PPP2R3A: variants seen among roughly 807,000 people sequenced by gnomAD.
PPP2R3A encodes the protein serine/threonine-protein phosphatase 2A regulatory subunit B'' subunit alpha.
A neutral mutation model predicts 106.9 loss-of-function variants in PPP2R3A; 80 were observed. The observed-to-expected ratio is 0.75, with a 90% CI of 0.62 to 0.90. The LOEUF is 0.90. PPP2R3A is among the 40% of genes least tolerant of loss of function. The pLI, the probability that PPP2R3A is intolerant of heterozygous loss-of-function variation, is 0.00. For synonymous variants in PPP2R3A, 483 were observed against 468.3 expected (o/e 1.03, Z -0.41); for missense variants, 1,386 against 1,350.4 (o/e 1.03, Z -0.41).
At chr3:136,090,533 CT>C in intron 9 of PPP2R3A, 44 bp from the exon 10 acceptor site, 1 of 1,478,180 alleles carries the variant, frequency 6.8e-7, no homozygotes, top group East Asian at 2.3e-5. Context: ...ATAAATGGTT[CT>C]GAGTAATTGC....
At position 136,136,073 on chromosome 3, in the gene PPP2R3A, AT is replaced by A. The variant is rs1553760649; in HGVS notation, c.3330-8968del. ...AAAAAAAAAAAAAAAAAAAAAAAAA[AT>A]TATATATATATATATATATAAAAAA... On this transcript the variant is annotated intron_variant, in intron 13 of 13. Transcript: ENST00000264977. 8.0e-3 allele frequency among the ~76,000 whole-genome samples: 142 copies of A among 17,752 alleles called. 2 individuals carry two copies. Among genetic ancestry groups the A allele is most frequent in the Non-Finnish European group, 0.016 (72 of 4,514 alleles). 11.6% of individuals were successfully genotyped at this position (17,752 alleles called of 152,430 possible).
chr3:136,145,029 C>CT lies in PPP2R3A; in HGVS notation c.3330-11dup. 6.2e-7 allele frequency: 1 copy of CT among 1,603,032 alleles called. No homozygotes were observed. The highest frequency in any genetic ancestry group is 8.5e-7 in the Non-Finnish European group (1 of 1,175,762). Reference sequence around the variant, plus strand: ...CAATCAATCAGTTAATTCACTTTTGCTTTGTTATTTCAGCTTTGAAGATTA... The same window carrying CT: ...CAATCAATCAGTTAATTCACTTTTGCTTTTGTTATTTCAGCTTTGAAGATTA... On this transcript the variant is annotated splice_polypyrimidine_tract_variant and intron_variant, in intron 13 of 13. Coordinates refer to ENST00000264977, the MANE Select transcript of PPP2R3A (RefSeq NM_002718.5).
intron 5 of PPP2R3A, among the ~76,000 whole-genome samples, chr3:136,056,463 A>G (rs766484075): frequency 5.1e-5 from 7 of 137,702 alleles, no homozygotes; most frequent in African/African-American, 8.7e-5. Context: ...TAATTTTTTT[A>G]TAAACCTAAA....
At chr3:136,076,583 A>C (rs1266497722) in intron 6 of PPP2R3A, among the ~76,000 whole-genome samples, 1 of 152,238 alleles carries the variant, frequency 6.6e-6, no homozygotes, top group Non-Finnish European at 1.5e-5. Context: ...CACAAAGATA[A>C]TACAAAAATC....
intron 10 of PPP2R3A, among the ~76,000 whole-genome samples, chr3:136,096,941 C>T (rs1559917991): frequency 1.3e-5 from 2 of 152,130 alleles, no homozygotes; most frequent in African/African-American, 4.8e-5. Context: ...TGCACTCCAG[C>T]CTGGGTGACA....
intron 13 of PPP2R3A, among the ~76,000 whole-genome samples, chr3:136,138,875 C>G (rs1170680898): frequency 6.6e-6 from 1 of 151,722 alleles, no homozygotes; most frequent in Non-Finnish European, 1.5e-5. Flanking sequence ...CCACGCCCAG[C>G]TAATTTTGTA....
intron 5 of PPP2R3A, among the ~76,000 whole-genome samples, chr3:136,063,738 A>C (rs1307702400): frequency 6.6e-6 from 1 of 151,154 alleles, no homozygotes; most frequent in Non-Finnish European, 1.5e-5. Flanking sequence ...CACCAGTTAG[A>C]ATGGCAATCA....
intron 2 of PPP2R3A, among the ~76,000 whole-genome samples, chr3:136,007,076 T>A (rs1452820302): frequency 6.6e-6 from 1 of 152,182 alleles, no homozygotes; most frequent in African/African-American, 2.4e-5. Context: ...CTAATTCACA[T>A]CTGATCTTCT....
intron 5 of PPP2R3A, among the ~76,000 whole-genome samples, chr3:136,069,096 T>G (rs1464225820): frequency 6.6e-6 from 1 of 152,154 alleles, no homozygotes; most frequent in African/African-American, 2.4e-5. Flanking sequence ...CAGTGTAAGA[T>G]CCTGGAACAG....
intron 1 of PPP2R3A, among the ~76,000 whole-genome samples, chr3:135,981,348 T>C (rs1403455440): frequency 2.0e-5 from 3 of 151,678 alleles, no homozygotes; most frequent in Non-Finnish European, 4.4e-5. Context: ...GGTGCTGGTC[T>C]TAGGTTCAAA....
intron 1 of PPP2R3A, among the ~76,000 whole-genome samples, chr3:135,989,591 T>C (rs1933070363): frequency 1.3e-5 from 2 of 151,926 alleles, no homozygotes. Flanking sequence ...CACAAAAAAA[T>C]CTCCTGAGCT....
intron 7 of PPP2R3A, among the ~76,000 whole-genome samples, chr3:136,080,575 T>G (rs915537165): frequency 3.3e-5 from 5 of 152,220 alleles, no homozygotes; most frequent in East Asian, 3.8e-4. Context: ...GTGTTCTGCT[T>G]CTTACATATC....
chr3:136,126,663 C>T (rs1434449889), intron 13 of PPP2R3A, among the ~76,000 whole-genome samples: 1 of 152,224 alleles, frequency 6.6e-6, no homozygotes, highest in African/African-American at 2.4e-5. Context: ...CATTTGAGCT[C>T]TAAGAATGGA....
chr3:136,139,823 G>T (rs572448736), intron 13 of PPP2R3A, among the ~76,000 whole-genome samples: 2 of 151,802 alleles, frequency 1.3e-5, no homozygotes, highest in Non-Finnish European at 2.9e-5. Context: ...GGCCAACATG[G>T]TGAAAACCCT....
intron 13 of PPP2R3A, among the ~76,000 whole-genome samples, chr3:136,138,825 C>T (rs1000220235): frequency 1.4e-5 from 2 of 147,714 alleles, no homozygotes; most frequent in African/African-American, 2.5e-5. Context: ...GATTCTCCTG[C>T]CTCAGCCTCC....
intron 2 of PPP2R3A, among the ~76,000 whole-genome samples, chr3:136,008,890 C>T (rs919498705): frequency 6.6e-6 from 1 of 152,108 alleles, no homozygotes; most frequent in Non-Finnish European, 1.5e-5. Context: ...TTAAGGTCAT[C>T]AGGACTAATC....
chr3:135,970,364 T>G (rs1371870082), intron 1 of PPP2R3A, among the ~76,000 whole-genome samples: 1 of 152,238 alleles, frequency 6.6e-6, no homozygotes, highest in Non-Finnish European at 1.5e-5. Flanking sequence ...AAAAGTTTTA[T>G]TTACTTGTAT....
intron 9 of PPP2R3A, among the ~76,000 whole-genome samples, chr3:136,088,989 G>A (rs939480770): frequency 6.6e-6 from 1 of 152,120 alleles, no homozygotes; most frequent in Non-Finnish European, 1.5e-5. Context: ...TTAGACCTCT[G>A]TTGGATACAT....
intron 1 of PPP2R3A, among the ~76,000 whole-genome samples, chr3:135,978,137 T>TA (rs1413277197): frequency 6.6e-6 from 1 of 152,216 alleles, no homozygotes; most frequent in Non-Finnish European, 1.5e-5. Flanking sequence ...ATAAAAAGTT[T>TA]AAAAAAATCA....
Sources: gnomAD v4.1 joint callset for allele counts (sites outside exome capture counted in the v4.1 genomes callset) on GRCh38, gnomAD v4.1.1 for gene constraint, MANE v1.5 for transcripts, NCBI Gene and HGNC (gene_info 2026-07-23, HGNC 2026-07-21) for gene names.